The following RGS6 variants were observed in gnomAD, a reference collection of about 807,000 sequenced individuals.
The protein encoded by RGS6 is regulator of G protein signaling 6.
Under a neutral mutation model 78.5 loss-of-function variants are expected in RGS6, and 30 were observed. That is an observed-to-expected ratio of 0.38 (90% CI 0.29 to 0.52). The LOEUF (loss-of-function observed/expected upper bound fraction) is 0.52. RGS6 is among the 20% of genes least tolerant of loss of function. The pLI is 0.85. For missense variants in RGS6, 495 were observed against 609.7 expected, an observed-to-expected ratio of 0.81 and a Z score of 1.98; for synonymous variants, 206 against 206.0, an observed-to-expected ratio of 1.00 and a Z score of 0.00.
chr14:71,918,184 CAAAAAAAAAAAAAAAAAAAAA>C, the RGS6 span, among the ~76,000 whole-genome samples: 22 of 33,724 alleles, frequency 6.5e-4, no homozygotes, highest in Middle Eastern at 0.025. Flanking sequence ...ACTCCAGTCT[CAAAAAAAAAAAAAAAAAAAAA>C]AAAAAAAAAA....
chr14:72,586,564 G>A, the RGS6 span, among the ~76,000 whole-genome samples: 1 of 152,148 alleles, frequency 6.6e-6, no homozygotes, highest in Non-Finnish European at 1.5e-5. Flanking sequence ...TTATAGCAAT[G>A]TGAATGGAGT....
chr14:72,040,556 G>T (rs1213847392), intron 2 of RGS6, among the ~76,000 whole-genome samples: 1 of 151,974 alleles, frequency 6.6e-6, no homozygotes, highest in Non-Finnish European at 1.5e-5. Context: ...CTTTGTTTTT[G>T]ATTTTGACAG....
chr14:72,493,895 C>T (rs1367552874), intron 12 of RGS6, among the ~76,000 whole-genome samples: 12 of 152,292 alleles, frequency 7.9e-5, no homozygotes, highest in Non-Finnish European at 1.2e-4. Flanking sequence ...CAAGGATTCT[C>T]ATGCATCCTT....
At chr14:71,909,316 C>T in the RGS6 span, among the ~76,000 whole-genome samples, 1 of 152,150 alleles carries the variant, frequency 6.6e-6, no homozygotes, top group Admixed American at 6.5e-5. Flanking sequence ...ATCCAAGAAC[C>T]TGCTCTTGGG....
the RGS6 span, among the ~76,000 whole-genome samples, chr14:71,879,981 A>T: frequency 6.6e-6 from 1 of 152,262 alleles, no homozygotes. Context: ...GGCTTTGGCC[A>T]AAATACTGAT....
At chr14:72,028,699 A>C (rs1363241189) in intron 2 of RGS6, among the ~76,000 whole-genome samples, 1 of 152,208 alleles carries the variant, frequency 6.6e-6, no homozygotes, top group Non-Finnish European at 1.5e-5. Context: ...TGGAAGGCTT[A>C]GGTGATTCAT....
intron 17 of RGS6, among the ~76,000 whole-genome samples, chr14:72,543,661 G>A (rs914525588): frequency 6.6e-6 from 1 of 152,180 alleles, no homozygotes; most frequent in Non-Finnish European, 1.5e-5. Context: ...TGTCTAGCCT[G>A]CCACTCTCTG....
intron 2 of RGS6, among the ~76,000 whole-genome samples, chr14:71,972,815 G>T (rs762079362): frequency 2.5e-4 from 38 of 152,206 alleles, no homozygotes; most frequent in Non-Finnish European, 4.1e-4. Context: ...TCAGGCAACA[G>T]AATTTGGGGG....
chr14:72,399,477 T>C (rs895174876), intron 3 of RGS6, among the ~76,000 whole-genome samples: 1 of 152,182 alleles, frequency 6.6e-6, no homozygotes, highest in South Asian at 2.1e-4. Context: ...GGGTCTTGAC[T>C]CTATCCAATT....
chr14:72,037,465 C>G (rs1006685113), intron 2 of RGS6, among the ~76,000 whole-genome samples: 2 of 152,168 alleles, frequency 1.3e-5, no homozygotes, highest in Non-Finnish European at 2.9e-5. Flanking sequence ...GAACAAACTC[C>G]AGACACACCA....
rs776738131 is a variant in RGS6, at chr14:71,964,824, G to A, written c.33G>A (p.Val11=). The change falls in exon 2 of 18, where the codon GTG becomes GTA. Residue 11 remains valine, a synonymous_variant. Transcript: ENST00000553525. ...AAGGATCCGGGGATCAAAGAGCAGT[G>A]GGGGTTGCTGACCCAGAGGAGAGTT... is the stretch of plus-strand genomic sequence containing the variant. MAQGSGDQRA[V]GVADPEESSP... The A allele has an allele frequency of 6.2e-7, 1 of 1,613,784 alleles. No homozygotes were observed.
chr14:72,600,391 G>A, the RGS6 span, among the ~76,000 whole-genome samples: 6 of 144,160 alleles, frequency 4.2e-5, no homozygotes, highest in African/African-American at 1.0e-4. Context: ...CTTCCCTGAC[G>A]AACATCCTTC....
intron 3 of RGS6, among the ~76,000 whole-genome samples, chr14:72,396,932 G>A (rs1036693885): frequency 1.1e-4 from 16 of 152,174 alleles, no homozygotes; most frequent in African/African-American, 3.9e-4. Flanking sequence ...GTACCATGCT[G>A]TTTTGGTTAC....
chr14:72,502,006 C>G (rs910969404), intron 13 of RGS6, among the ~76,000 whole-genome samples: 6 of 152,170 alleles, frequency 3.9e-5, no homozygotes, highest in Non-Finnish European at 7.4e-5. Context: ...TTGGTGCCTT[C>G]CCTCTTTACA....
intron 2 of RGS6, among the ~76,000 whole-genome samples, chr14:72,257,111 A>G (rs1594890659): frequency 6.6e-6 from 1 of 152,218 alleles, no homozygotes; most frequent in East Asian, 1.9e-4. Flanking sequence ...TGTGTTTTTG[A>G]TTTGTTCTAG....
Position 72,290,906 on chromosome 14 carries a change from C to G in RGS6, c.85-61189C>G, listed in dbSNP as rs144240815. ...GAGTTCTTTGAAATGCAGGTTCTTT[C>G]ACTCACTATGCAGAATCTAGGGATC... On this transcript the variant is annotated intron_variant, in intron 2 of 17. Coordinates refer to ENST00000553525, the MANE Select transcript of RGS6 (RefSeq NM_001204424.2). Among the ~76,000 whole-genome samples the G allele has an allele frequency of 8.5e-3, 1,288 of 152,250 alleles. 7 individuals carry two copies. Among genetic ancestry groups the G allele is most frequent in the Non-Finnish European group, 0.012 (827 of 68,018 alleles).
chr14:72,437,687 G>A (rs147795650), intron 3 of RGS6, among the ~76,000 whole-genome samples: 14 of 152,292 alleles, frequency 9.2e-5, no homozygotes, highest in South Asian at 4.1e-4. Flanking sequence ...ACAGAAGACC[G>A]TTTCTCTTGG....
intron 12 of RGS6, among the ~76,000 whole-genome samples, chr14:72,486,666 A>G (rs1428018502): frequency 2.0e-5 from 3 of 152,198 alleles, no homozygotes; most frequent in Admixed American, 2.0e-4. Context: ...GGTGCTGGAC[A>G]GCCTAGGCAC....
At chr14:72,177,745 C>A (rs2097125269) in intron 2 of RGS6, among the ~76,000 whole-genome samples, 1 of 152,168 alleles carries the variant, frequency 6.6e-6, no homozygotes, top group African/African-American at 2.4e-5. Context: ...GAGCTTTCAT[C>A]TTCTCATAAT....
Sources: allele counts gnomAD v4.1 joint callset (sites outside exome capture counted in the v4.1 genomes callset), GRCh38; gene constraint gnomAD v4.1.1; transcripts MANE v1.5; gene names NCBI Gene and HGNC (gene_info 2026-07-23, HGNC 2026-07-21).